The following CNTNAP2 variants were observed in gnomAD, a reference collection of about 807,000 sequenced individuals.
The protein encoded by CNTNAP2 is contactin associated protein 2, also known as contactin-associated protein-like 2.
In CNTNAP2, 98 loss-of-function variants were observed where a neutral mutation model predicts 155.2. The observed-to-expected ratio is 0.63, with a 90% CI of 0.54 to 0.75. The LOEUF is 0.75. Among genes scored for constraint, CNTNAP2 ranks in the 30% least tolerant of loss-of-function variants. The pLI is 0.00. For missense variants in CNTNAP2, 1,727 were observed against 1,688.1 expected, an observed-to-expected ratio of 1.02 and a Z score of -0.40; for synonymous variants, 651 against 631.2, an observed-to-expected ratio of 1.03 and a Z score of -0.47.
chr7:146,985,963 A>AT (rs1183114888), intron 3 of CNTNAP2, among the ~76,000 whole-genome samples: 5 of 151,998 alleles, frequency 3.3e-5, no homozygotes, highest in Non-Finnish European at 5.9e-5. Flanking sequence ...AGAAAAAATG[A>AT]TTTTTTGGTA....
intron 23 of CNTNAP2, 134 bp from the exon 24 acceptor site, chr7:148,415,283 T>C: frequency 2.2e-6 from 2 of 916,644 alleles, no homozygotes; most frequent in South Asian, 1.4e-5. Flanking sequence ...TCATTTTTGT[T>C]ATCTTTGTTG....
At chr7:147,376,104 CAAATT>C (rs1219347613) in intron 9 of CNTNAP2, among the ~76,000 whole-genome samples, 1 of 152,004 alleles carries the variant, frequency 6.6e-6, no homozygotes, top group Non-Finnish European at 1.5e-5. Flanking sequence ...TATTAAAAAA[CAAATT>C]AAAAGTTGCA....
intron 1 of CNTNAP2, among the ~76,000 whole-genome samples, chr7:146,310,536 T>G (rs1800801490): frequency 6.6e-6 from 1 of 152,148 alleles, no homozygotes. Context: ...TTTTTTTTTC[T>G]TTTGTCTTCT....
chr7:147,191,349 C>A (rs922135846), intron 8 of CNTNAP2, among the ~76,000 whole-genome samples: 2 of 152,158 alleles, frequency 1.3e-5, no homozygotes, highest in African/African-American at 4.8e-5. Context: ...AGTTAAATAT[C>A]ATTTTTATGA....
intron 10 of CNTNAP2, among the ~76,000 whole-genome samples, chr7:147,468,022 A>T (rs1798149980): frequency 6.6e-6 from 1 of 151,866 alleles, no homozygotes; most frequent in Non-Finnish European, 1.5e-5. Flanking sequence ...CAGAACTCAC[A>T]TCTGTAATCC....
chr7:146,973,661 C>T lies in CNTNAP2; in HGVS notation c.403-70246C>T, dbSNP rs371607381. ...GCTTTATGGAAACTCTAATTTCTAA[C>T]TAAAAAGGCATGATATGTGAACACT... is the stretch of plus-strand genomic sequence containing the variant. On this transcript the variant is annotated intron_variant, in intron 3 of 23. Transcript: ENST00000361727. Among the ~76,000 whole-genome samples the T allele has an allele frequency of 2.4e-3, 369 of 152,222 alleles. 3 individuals are homozygous for T. Among genetic ancestry groups the T allele is most frequent in the African/African-American group, 8.3e-3 (344 of 41,544 alleles).
rs1383737141 is a variant in CNTNAP2, at chr7:148,017,774, C to T, written c.2383+39785C>T. On this transcript the variant is annotated intron_variant, in intron 15 of 23. Coordinates refer to ENST00000361727, the MANE Select transcript of CNTNAP2 (RefSeq NM_014141.6). ...TTTAAAAACTGATAGTGGTATATTA[C>T]ATTCCAGTGAATGACGTAAATAATA... is the stretch of plus-strand genomic sequence containing the variant. Among the ~76,000 whole-genome samples, 21 of 152,342 alleles carry T rather than the reference C, an allele frequency of 1.4e-4. No homozygotes were observed. In the South Asian group the frequency reaches 4.1e-3, roughly 30 times the overall value.
intron 21 of CNTNAP2, among the ~76,000 whole-genome samples, chr7:148,359,377 T>C (rs2116613325): frequency 6.6e-6 from 1 of 152,376 alleles, no homozygotes; most frequent in Admixed American, 6.5e-5. Flanking sequence ...AAGCACACTT[T>C]TCAATTCGGA....
intron 1 of CNTNAP2, among the ~76,000 whole-genome samples, chr7:146,467,096 A>T (rs1796727212): frequency 6.6e-6 from 1 of 152,148 alleles, no homozygotes; most frequent in African/African-American, 2.4e-5. Flanking sequence ...TATATGAAAG[A>T]CTTCCATCAT....
chr7:148,022,233 C>G (rs1156353872), intron 15 of CNTNAP2, among the ~76,000 whole-genome samples: 6 of 151,924 alleles, frequency 3.9e-5, no homozygotes, highest in Admixed American at 1.3e-4. Flanking sequence ...CTATGGGAGG[C>G]TAGGCAGGCA....
intron 1 of CNTNAP2, among the ~76,000 whole-genome samples, chr7:146,568,797 G>A (rs1423101198): frequency 6.6e-6 from 1 of 152,102 alleles, no homozygotes; most frequent in African/African-American, 2.4e-5. Context: ...AAACAGACTT[G>A]TGTTTGAAAC....
intron 8 of CNTNAP2, among the ~76,000 whole-genome samples, chr7:147,274,228 G>A (rs971827255): frequency 6.6e-6 from 1 of 151,980 alleles, no homozygotes; most frequent in African/African-American, 2.4e-5. Flanking sequence ...AGAGGTCTCC[G>A]TATTGTTTTC....
chr7:148,320,731 C>G (rs1031613877), intron 21 of CNTNAP2, among the ~76,000 whole-genome samples: 22 of 152,064 alleles, frequency 1.4e-4, no homozygotes, highest in Non-Finnish European at 2.9e-4. Flanking sequence ...CTGTGCTAGA[C>G]CCTGTGGTGA....
At chr7:146,338,155 G>A (rs6969729) in intron 1 of CNTNAP2, among the ~76,000 whole-genome samples, 3 of 151,970 alleles carry the variant, frequency 2.0e-5, no homozygotes, top group African/African-American at 7.3e-5. Flanking sequence ...TTCTGGGGCA[G>A]GCATAGGTAA....
chr7:146,427,593 T>A (rs1276327443), intron 1 of CNTNAP2, among the ~76,000 whole-genome samples: 1 of 152,204 alleles, frequency 6.6e-6, no homozygotes, highest in South Asian at 2.1e-4. Flanking sequence ...GTGTTGATCC[T>A]GGATCTGGAT....
chr7:147,809,569 G>T (rs1264233371), intron 13 of CNTNAP2, among the ~76,000 whole-genome samples: 1 of 152,168 alleles, frequency 6.6e-6, no homozygotes, highest in Non-Finnish European at 1.5e-5. Context: ...TCTCCACCAG[G>T]ATGTAAAATA....
intron 14 of CNTNAP2, among the ~76,000 whole-genome samples, chr7:147,923,201 G>A (rs887979972): frequency 3.3e-5 from 5 of 152,184 alleles, no homozygotes; most frequent in Admixed American, 6.5e-5. Context: ...GATATATTGT[G>A]AACGTGACAT....
intron 8 of CNTNAP2, among the ~76,000 whole-genome samples, chr7:147,292,709 A>G (rs1805340685): frequency 2.0e-5 from 3 of 152,134 alleles, no homozygotes; most frequent in Admixed American, 2.0e-4. Flanking sequence ...GCCTGTAAGA[A>G]AAGAATTCAT....
At chr7:147,796,652 A>G (rs570256219) in intron 13 of CNTNAP2, among the ~76,000 whole-genome samples, 5 of 152,286 alleles carry the variant, frequency 3.3e-5, no homozygotes, top group South Asian at 2.1e-4. Flanking sequence ...CAGATAATCA[A>G]CAATTGAATA....
Sources: allele counts gnomAD v4.1 joint callset (sites outside exome capture counted in the v4.1 genomes callset), GRCh38; gene constraint gnomAD v4.1.1; transcripts MANE v1.5; gene names NCBI Gene and HGNC (gene_info 2026-07-23, HGNC 2026-07-21).